Variants in RBBP8 observed in about 807,000 individuals in gnomAD.
RBBP8 encodes the protein DNA endonuclease RBBP8.
Under a neutral mutation model 108.3 loss-of-function variants are expected in RBBP8, and 88 were observed. The observed-to-expected ratio is 0.81, with a 90% CI of 0.68 to 0.97. The LOEUF (loss-of-function observed/expected upper bound fraction) is 0.97. Among genes scored for constraint, RBBP8 ranks in the 50% least tolerant of loss-of-function variants. The probability of loss-of-function intolerance (pLI) is 0.00; values close to 1 mark genes in which losing one functional copy is unlikely to be tolerated. For missense variants in RBBP8, 1,023 were observed against 1,049.0 expected, an observed-to-expected ratio of 0.98 and a Z score of 0.34; for synonymous variants, 332 against 348.2, an observed-to-expected ratio of 0.95 and a Z score of 0.52.
At chr18:22,954,267 G>A (rs374199456) in intron 4 of RBBP8, among the ~76,000 whole-genome samples, 8 of 152,116 alleles carry the variant, frequency 5.3e-5, no homozygotes, top group Non-Finnish European at 8.8e-5. Context: ...AGTTCCTTCC[G>A]CCTGTGAGCC....
At chr18:23,004,286 C>T (rs750770391) in intron 15 of RBBP8, among the ~76,000 whole-genome samples, 32 of 146,580 alleles carry the variant, frequency 2.2e-4, no homozygotes, top group Middle Eastern at 3.8e-3. Context: ...TATATATATA[C>T]ACACACACAC....
chr18:22,919,672 C>G (rs1192877863), intron 3 of RBBP8, among the ~76,000 whole-genome samples: 2 of 152,160 alleles, frequency 1.3e-5, no homozygotes, highest in African/African-American at 2.4e-5. Flanking sequence ...CTGCCTCAGA[C>G]TCTGGAGTAG....
Position 22,992,848 on chromosome 18 carries a change from G to T in RBBP8, c.1021G>T (p.Asp341Tyr). The change falls in exon 11 of 19, where the codon GAT becomes TAT. Residue 341 changes from aspartate (D) to tyrosine (Y), a missense_variant. Coordinates refer to ENST00000327155, the MANE Select transcript of RBBP8 (RefSeq NM_002894.3). ...TACCTCTAGTATCAAAAGTGGTTTA[G>T]ATTTGAATACAAGTTTGTCCCCTTC... is the stretch of plus-strand genomic sequence containing the variant. ...GATSSIKSGLDLNTSLSPSLL... is the reference protein window; with the variant it reads ...GATSSIKSGLYLNTSLSPSLL... 6.2e-7 allele frequency: 1 copy of T among 1,613,544 alleles called. No individual in the cohort carries two copies. Among genetic ancestry groups the T allele is most frequent in the East Asian group, 2.2e-5 (1 of 44,826 alleles).
chr18:22,923,025 C>G (rs1909658472), intron 3 of RBBP8, among the ~76,000 whole-genome samples: 1 of 152,104 alleles, frequency 6.6e-6, no homozygotes, highest in Non-Finnish European at 1.5e-5. Context: ...CCTAGCAATT[C>G]AATAGTTTCA....
In RBBP8 at chr18:22,992,729, G is replaced by T; in HGVS notation, c.921-19G>T. 6.4e-7 allele frequency: 1 copy of T among 1,556,952 alleles called. No individual in the cohort carries two copies. The highest frequency in any genetic ancestry group is 1.1e-5 in the South Asian group (1 of 89,618). On this transcript the variant is annotated intron_variant, in intron 10 of 18. Transcript: ENST00000327155. ...ACTATTAATTCTGTATTAAAGAATT[G>T]TTATCACTCTTTATTTAGATTTTCA... is the stretch of plus-strand genomic sequence containing the variant.
chr18:23,004,056 C>CAAAAAAAAAAAAA (rs34653966), intron 15 of RBBP8, among the ~76,000 whole-genome samples: 3 of 69,656 alleles, frequency 4.3e-5, no homozygotes, highest in East Asian at 5.7e-4. Flanking sequence ...GACCCCGTCT[C>CAAAAAAAAAAAAA]AAAAAAAAAA....
intron 5 of RBBP8, among the ~76,000 whole-genome samples, chr18:22,974,582 C>G (rs1224680106): frequency 6.6e-6 from 1 of 152,128 alleles, no homozygotes; most frequent in Non-Finnish European, 1.5e-5. Flanking sequence ...CTGCCTCCAC[C>G]TCGAATAGCT....
At chr18:22,949,490 C>G in intron 3 of RBBP8, 128 bp from the exon 4 acceptor site, 1 of 716,500 alleles carries the variant, frequency 1.4e-6, no homozygotes, top group Non-Finnish European at 2.4e-6. Flanking sequence ...ACAAGATATT[C>G]CAACCTGACC....
chr18:22,967,184 G>A (rs780871550), intron 4 of RBBP8, among the ~76,000 whole-genome samples: 5 of 152,058 alleles, frequency 3.3e-5, no homozygotes, highest in South Asian at 2.1e-4. Flanking sequence ...GGCTAACTCA[G>A]TGAAACCCCA....
chr18:22,966,584 A>AG (rs1913605309), intron 4 of RBBP8, among the ~76,000 whole-genome samples: 1 of 44,688 alleles, frequency 2.2e-5, no homozygotes, highest in Non-Finnish European at 5.1e-5. Flanking sequence ...TTAAAAAAAA[A>AG]AAAAAAAAGT....
intron 4 of RBBP8, among the ~76,000 whole-genome samples, chr18:22,964,278 C>A (rs1481734033): frequency 6.6e-6 from 1 of 151,416 alleles, no homozygotes; most frequent in Non-Finnish European, 1.5e-5. Flanking sequence ...TTCTTCTGAA[C>A]GCTTATGGGC....
intron 4 of RBBP8, among the ~76,000 whole-genome samples, chr18:22,968,200 G>T (rs1913784897): frequency 2.6e-5 from 4 of 151,800 alleles, no homozygotes; most frequent in Admixed American, 2.6e-4. Context: ...AGCCTCCCGA[G>T]TAGCTGGGAC....
chr18:23,022,197 C>T lies in RBBP8; in HGVS notation c.2523C>T (p.Arg841=). 7.4e-6 allele frequency: 12 copies of T among 1,611,606 alleles called. No homozygotes were observed. The highest frequency in any genetic ancestry group is 9.3e-6 in the Non-Finnish European group (11 of 1,177,666). The change falls in exon 18 of 19, where the codon CGC becomes CGT. Residue 841 remains arginine (R), a synonymous_variant. Transcript: ENST00000327155. ...KLASCSRHRF[R]YIPPNTPENF... is the part of the protein sequence containing the mutation. ...CTTCCTGCTCAAGACACCGATTCCG[C>T]TACATTCCACCCAACACACCAGAGA...
intron 9 of RBBP8, among the ~76,000 whole-genome samples, chr18:22,990,266 T>C (rs981818298): frequency 2.6e-5 from 4 of 152,208 alleles, no homozygotes; most frequent in Admixed American, 2.0e-4. Context: ...TTGGTAGAGA[T>C]GCAGAATCTC....
At chr18:23,022,017 G>T in intron 17 of RBBP8, 112 bp from the exon 18 acceptor site, 1 of 851,658 alleles carries the variant, frequency 1.2e-6, no homozygotes, top group South Asian at 1.4e-5. Flanking sequence ...AGTTTCCTTA[G>T]ACTGCTGAAT....
chr18:22,942,865 T>C (rs894553026), intron 2 of RBBP8, among the ~76,000 whole-genome samples: 1 of 152,096 alleles, frequency 6.6e-6, no homozygotes, highest in African/African-American at 2.4e-5. Context: ...TAATAAATGA[T>C]CTTTTGCCTA....
upstream of RBBP8, chr18:22,929,510 G>GTGT (rs147326546): frequency 2.4e-5 from 3 of 125,274 alleles, no homozygotes; most frequent in Middle Eastern, 4.0e-3. Context: ...GTGTGTGTGT[G>GTGT]AAGAGACAGG....
chr18:22,997,965 C>G (rs1158624961), intron 14 of RBBP8, among the ~76,000 whole-genome samples: 1 of 152,126 alleles, frequency 6.6e-6, no homozygotes, highest in Non-Finnish European at 1.5e-5. Flanking sequence ...CAGGGATTTG[C>G]AAATGACAGC....
intron 3 of RBBP8, among the ~76,000 whole-genome samples, chr18:22,928,321 T>TA (rs970134955): frequency 6.6e-5 from 10 of 151,910 alleles, no homozygotes; most frequent in Admixed American, 3.9e-4. Context: ...AGTGCAATGA[T>TA]AAAGATATAT....
Sources: allele counts gnomAD v4.1 joint callset (sites outside exome capture counted in the v4.1 genomes callset), GRCh38; gene constraint gnomAD v4.1.1; transcripts MANE v1.5; gene names NCBI Gene and HGNC (gene_info 2026-07-23, HGNC 2026-07-21).